TEDDM1: variants seen among roughly 807,000 people sequenced by gnomAD.
The protein encoded by TEDDM1 is epididymal protein 9.
For missense variants in TEDDM1, 344 were observed against 318.9 expected, an observed-to-expected ratio of 1.08 and a Z score of -0.60; for synonymous variants, 126 against 128.0, an observed-to-expected ratio of 0.98 and a Z score of 0.11.
In TEDDM1 at chr1:182,400,003, G is replaced by A; in HGVS notation, c.483C>T (p.Thr161=). The A allele has an allele frequency of 6.2e-7, 1 of 1,614,084 alleles. No individual in the cohort carries two copies. Among genetic ancestry groups the A allele is most frequent in the Non-Finnish European group, 8.5e-7 (1 of 1,180,012 alleles). The change falls in exon 1 of 1, where the codon ACC becomes ACT. Residue 161 remains threonine, a synonymous_variant. Transcript: ENST00000367565. ...AGGAGCCCATCATCAGAATCAGAAA[G>A]GTCTCCATCAGCTGGAGATGACACA... ...PNMCHLQLME[T]FLILMMGSWL...
In TEDDM1 at chr1:182,399,389, G is replaced by T. The variant is rs748341498; in HGVS notation, c.*275C>A. ...CAGGCTCCTGTAATTGCAGCTACTC[G>T]GGAGGCTGAGGCAGGAGAATCGCTT... On this transcript the variant is annotated 3_prime_UTR_variant, in exon 1 of 1. Transcript: ENST00000367565. 2 of 420,802 alleles carry T rather than the reference G, an allele frequency of 4.8e-6. No homozygotes were observed. Among genetic ancestry groups the T allele is most frequent in the Admixed American group, 4.1e-5 (1 of 24,442 alleles). The allele number at this position is 420,802 out of a possible 1,614,324, so 26.1% of individuals were successfully genotyped here.
chr1:182,399,803 C>T lies in TEDDM1; in HGVS notation c.683G>A (p.Arg228Lys), dbSNP rs757129936. The change falls in exon 1 of 1, where the codon AGA becomes AAA. Residue 228 changes from arginine (R) to lysine (K), a missense_variant. By Grantham distance (26) the Arg-to-Lys change is conservative. Coordinates refer to ENST00000367565, the MANE Select transcript of TEDDM1 (RefSeq NM_172000.4). The stretch of plus-strand genomic sequence containing the variant: ...GGGCCCAGTCAGCTTCAAGCTGGGT[C>T]TGAAACAATGATACCAAAAGGAAGA... ...GFSSFWYHCF[R>K]PSLKLTGPKE... The T allele has an allele frequency of 1.9e-6, 3 of 1,613,960 alleles. No individual in the cohort carries two copies. Among genetic ancestry groups the T allele is most frequent in the African/African-American group, 1.3e-5 (1 of 74,856 alleles).
chr1:182,400,304 G>C lies in TEDDM1; in HGVS notation c.182C>G (p.Ser61Ter). 7 of 1,614,166 alleles carry C rather than the reference G, an allele frequency of 4.3e-6. No individual in the cohort carries two copies. The highest frequency in any genetic ancestry group is 5.9e-6 in the Non-Finnish European group (7 of 1,180,028). The change falls in exon 1 of 1, where the codon TCA becomes TGA. Residue 61 changes from serine (S) to a stop codon, truncating the protein, a stop_gained. Coordinates refer to ENST00000367565, the MANE Select transcript of TEDDM1 (RefSeq NM_172000.4). LOFTEE classifies it low-confidence loss of function (END_TRUNC). ...CCACTCTTTGGGGTACATGAACCTT[G>C]ATGGCACTTGCTTCCTCATGAGCAC... The part of the protein sequence containing the change: ...GMVLMRKQVP[S>*]RFMYPKEWQH...
Position 182,399,518 on chromosome 1 carries a change from G to A in TEDDM1, c.*146C>T, listed in dbSNP as rs916424590. 6 of 634,252 alleles carry A rather than the reference G, an allele frequency of 9.5e-6. No homozygotes were observed. The highest frequency in any genetic ancestry group is 8.0e-5 in the South Asian group (4 of 50,112). 39.3% of individuals were successfully genotyped at this position (634,252 alleles called of 1,614,324 possible). A position where few individuals can be genotyped will look rare whatever the true frequency, so the allele number is the denominator to read the frequency against. On this transcript the variant is annotated 3_prime_UTR_variant, in exon 1 of 1. Coordinates refer to ENST00000367565, the MANE Select transcript of TEDDM1 (RefSeq NM_172000.4). ...CTCAAAAAAAAAAAAAAAGAAAAGA[G>A]AAGAAAAGAAAATGAACCAGCAGAC...
At position 182,399,507 on chromosome 1, in the gene TEDDM1, A is replaced by C; in HGVS notation, c.*157T>G. On this transcript the variant is annotated 3_prime_UTR_variant, in exon 1 of 1. Coordinates refer to ENST00000367565, the MANE Select transcript of TEDDM1 (RefSeq NM_172000.4). ...CGAGACTCTGTCTCAAAAAAAAAAA[A>C]AAAGAAAAGAGAAGAAAAGAAAATG... The C allele has an allele frequency of 1.6e-6, 1 of 629,302 alleles. No homozygotes were observed. The highest frequency in any genetic ancestry group is 2.9e-5 in the Admixed American group (1 of 33,930). The allele number at this position is 629,302 out of a possible 1,614,324, so 39.0% of individuals were successfully genotyped here.
In TEDDM1 at chr1:182,399,879, A is replaced by C; in HGVS notation, c.607T>G (p.Cys203Gly). The change falls in exon 1 of 1, where the codon TGC becomes GGC. Residue 203 changes from cysteine (C) to glycine (G), a missense_variant. Cys to Gly is a radical substitution (Grantham distance 159, BLOSUM62 -3). Transcript: ENST00000367565. ...GAGGCATTGATCATCACATGCCAGCAGAAGAAGGTGGTGACAAACATGATG... is the reference window on the plus strand; with the variant it reads ...GAGGCATTGATCATCACATGCCAGCCGAAGAAGGTGGTGACAAACATGATG... ...SDIMFVTTFFCWHVMINASFL... is the reference protein window; with the variant it reads ...SDIMFVTTFFGWHVMINASFL... The C allele has an allele frequency of 6.2e-7, 1 of 1,614,250 alleles. No individual in the cohort carries two copies. The highest frequency in any genetic ancestry group is 8.5e-7 in the Non-Finnish European group (1 of 1,180,052).
At position 182,400,072 on chromosome 1, in the gene TEDDM1, GAAC is replaced by G; in HGVS notation, c.411_413del (p.Phe138del). 1.2e-6 allele frequency: 2 copies of G among 1,614,054 alleles called. No homozygotes were observed. The highest frequency in any genetic ancestry group is 1.7e-6 in the Non-Finnish European group (2 of 1,179,976). On this transcript the variant is annotated inframe_deletion, in exon 1 of 1. Transcript: ENST00000367565. ...CTGCAGTCAACACCAGCAACAGCAG[GAAC>G]ACCACCAAGATGAGCAGAGAATAAA...
chr1:182,399,616 C>A lies in TEDDM1; in HGVS notation c.*48G>T. The A allele has an allele frequency of 1.4e-6, 2 of 1,452,904 alleles. No individual in the cohort carries two copies. Among genetic ancestry groups the A allele is most frequent in the Non-Finnish European group, 1.9e-6 (2 of 1,041,926 alleles). 90.0% of individuals were successfully genotyped at this position (1,452,904 alleles called of 1,614,324 possible). A position where few individuals can be genotyped will look rare whatever the true frequency, so the allele number is the denominator to read the frequency against. ...ACCATGCTCGTGGCTGAGGAGCCAA[C>A]AGGAGGAAGATGAGGTGGACGATGT... On this transcript the variant is annotated 3_prime_UTR_variant, in exon 1 of 1. Transcript: ENST00000367565.
rs1219157393 is a variant in TEDDM1, at chr1:182,400,556, A to G, written c.-71T>C. ...AAATAGCCCCAGTTAAAAATGGCCAATGGACTTTCCCATGGAATACAGGCC... is the reference window on the plus strand; with the variant it reads ...AAATAGCCCCAGTTAAAAATGGCCAGTGGACTTTCCCATGGAATACAGGCC... On this transcript the variant is annotated 5_prime_UTR_variant, in exon 1 of 1. Coordinates refer to ENST00000367565, the MANE Select transcript of TEDDM1 (RefSeq NM_172000.4). 13 of 1,326,764 alleles carry G rather than the reference A, an allele frequency of 9.8e-6. No homozygotes were observed. Among genetic ancestry groups the G allele is most frequent in the African/African-American group, 7.3e-5 (5 of 68,132 alleles). The allele number at this position is 1,326,764 out of a possible 1,614,324, so 82.2% of individuals were successfully genotyped here.
rs1650648380 is a variant in TEDDM1, at chr1:182,399,726, G to A, written c.760C>T (p.Gln254Ter). 6.2e-7 allele frequency: 1 copy of A among 1,613,998 alleles called. No homozygotes were observed. Among genetic ancestry groups the A allele is most frequent in the African/African-American group, 1.3e-5 (1 of 74,894 alleles). ...TCTTTCTCTGACTGCTCCACTTCCT[G>A]TAGCAACTTGTAGAGGGGTCCTGGA... ...STPGPLYKLLQEVEQSEKEDQ... is the reference protein window; with the variant it reads ...STPGPLYKLL Residue 254 changes from glutamine (Q) to a stop codon, truncating the protein, a stop_gained, in exon 1 of 1, where the codon CAG becomes TAG. Transcript: ENST00000367565. LOFTEE classifies it low-confidence loss of function (END_TRUNC).
At position 182,399,780 on chromosome 1, in the gene TEDDM1, G is replaced by A; in HGVS notation, c.706C>T (p.Pro236Ser). 3.1e-6 allele frequency: 5 copies of A among 1,614,082 alleles called. No individual in the cohort carries two copies. Among genetic ancestry groups the A allele is most frequent in the South Asian group, 1.1e-5 (1 of 91,064 alleles). ...CTTGCATAATATGGAGCTTCTTTGG[G>A]CCCAGTCAGCTTCAAGCTGGGTCTG... is the stretch of plus-strand genomic sequence containing the variant. Reference protein sequence around the residue: ...CFRPSLKLTGPKEAPYYASTP... With the variant: ...CFRPSLKLTGSKEAPYYASTP... The change falls in exon 1 of 1, where the codon CCC (proline) becomes TCC (serine). Residue 236 changes from proline to serine, a missense_variant. Pro to Ser is a moderately conservative substitution (Grantham distance 74, BLOSUM62 -1). Transcript: ENST00000367565.
Position 182,399,671 on chromosome 1 carries a change from G to C in TEDDM1, c.815C>G (p.Ser272Cys). 1 of 1,613,234 alleles carries C rather than the reference G, an allele frequency of 6.2e-7. No homozygotes were observed. The highest frequency in any genetic ancestry group is 8.5e-7 in the Non-Finnish European group (1 of 1,179,400). ...GCCACTGTAGGCCCTGTCTCAGGGG[G>C]AGCTCTTTGGAAGGAGGAGAGCCTG... Reference protein sequence around the residue: ...EDQALLLPKSSP With the variant: ...EDQALLLPKSCP Residue 272 changes from serine to cysteine, a missense_variant, in exon 1 of 1, where the codon TCC (serine) becomes TGC (cysteine). Ser to Cys is a moderately radical substitution (Grantham distance 112, BLOSUM62 -1). Coordinates refer to ENST00000367565, the MANE Select transcript of TEDDM1 (RefSeq NM_172000.4).
Position 182,400,539 on chromosome 1 carries a change from C to G in TEDDM1, c.-54G>C. ...AGTCCATAAGAGAAAAGAAATAGCC[C>G]CAGTTAAAAATGGCCAATGGACTTT... On this transcript the variant is annotated 5_prime_UTR_variant, in exon 1 of 1. Transcript: ENST00000367565. 1 of 1,473,948 alleles carries G rather than the reference C, an allele frequency of 6.8e-7. No individual in the cohort carries two copies. The highest frequency in any genetic ancestry group is 9.1e-7 in the Non-Finnish European group (1 of 1,103,208). 91.3% of individuals were successfully genotyped at this position (1,473,948 alleles called of 1,614,324 possible). A position where few individuals can be genotyped will look rare whatever the true frequency, so the allele number is the denominator to read the frequency against.
At position 182,398,436 on chromosome 1, in the gene TEDDM1, T is replaced by G. The variant is rs1650617628; in HGVS notation, c.*1228A>C. The G allele has an allele frequency of 6.6e-6, 1 of 152,190 alleles. No homozygotes were observed. Among genetic ancestry groups the G allele is most frequent in the African/African-American group, 2.4e-5 (1 of 41,424 alleles). 9.4% of individuals were successfully genotyped at this position (152,190 alleles called of 1,614,324 possible). ...AAGAACCTTCTGAAAGAAAATGATT[T>G]CAGCAGCAGTATAAAAGAAAGTGGG... On this transcript the variant is annotated 3_prime_UTR_variant, in exon 1 of 1. Coordinates refer to ENST00000367565, the MANE Select transcript of TEDDM1 (RefSeq NM_172000.4).
rs752136668 is a variant in TEDDM1 at position 182,399,684 on chromosome 1, G to T, written c.802C>A (p.Leu268Ile). Residue 268 changes from leucine to isoleucine, a missense_variant, in exon 1 of 1, where the codon CTT (leucine) becomes ATT (isoleucine). Coordinates refer to ENST00000367565, the MANE Select transcript of TEDDM1 (RefSeq NM_172000.4). ...CTGTCTCAGGGGGAGCTCTTTGGAA[G>T]GAGGAGAGCCTGGTCCTCTTTCTCT... ...QSEKEDQALL[L>I]PKSSP The T allele has an allele frequency of 2.8e-5, 45 of 1,613,674 alleles. No individual in the cohort carries two copies. The East Asian group carries it at 1.0e-3, about 36-fold the overall frequency.
rs1224331958 is a variant in TEDDM1, at chr1:182,398,881, T to A, written c.*783A>T. 1 of 152,226 alleles carries A rather than the reference T, an allele frequency of 6.6e-6. No individual in the cohort carries two copies. The highest frequency in any genetic ancestry group is 6.5e-5 in the Admixed American group (1 of 15,288). 9.4% of individuals were successfully genotyped at this position (152,226 alleles called of 1,614,324 possible). On this transcript the variant is annotated 3_prime_UTR_variant, in exon 1 of 1. Transcript: ENST00000367565. ...TATTAAGTATTTAAAAAGTCTCACT[T>A]TATATGTAAAGTTTGAAATGAAGCC...
chr1:182,400,086 T>C lies in TEDDM1; in HGVS notation c.400A>G (p.Ile134Val), dbSNP rs1650657390. The change falls in exon 1 of 1, where the codon ATC becomes GTC. Residue 134 changes from isoleucine (I) to valine (V), a missense_variant. By Grantham distance (29) the Ile-to-Val change is conservative (BLOSUM62 3). Transcript: ENST00000367565. ...GVELHVYSLLILVVFLLLLVL... is the reference protein window; with the variant it reads ...GVELHVYSLLVLVVFLLLLVL... ...AGCAACAGCAGGAACACCACCAAGA[T>C]GAGCAGAGAATAAACGTGCAGCTCC... 6.2e-7 allele frequency: 1 copy of C among 1,613,610 alleles called. No homozygotes were observed. Among genetic ancestry groups the C allele is most frequent in the East Asian group, 2.2e-5 (1 of 44,858 alleles).
At position 182,400,435 on chromosome 1, in the gene TEDDM1, C is replaced by G. The variant is rs756912618; in HGVS notation, c.51G>C (p.Lys17Asn). The change falls in exon 1 of 1, where the codon AAG becomes AAC. Residue 17 changes from lysine (K) to asparagine (N), a missense_variant. Physicochemically the swap from Lys to Asn is moderately conservative, Grantham distance 94. Transcript: ENST00000367565. ...LLYPLCSPRN[K>N]QRCARLWKIA... The stretch of plus-strand genomic sequence containing the variant: ...TTTTCCACAGCCTGGCACATCTTTG[C>G]TTATTCCTGGGAGAGCACAAAGGAT... 1.2e-6 allele frequency: 2 copies of G among 1,613,654 alleles called. No individual in the cohort carries two copies. The highest frequency in any genetic ancestry group is 3.3e-5 in the Admixed American group (2 of 60,010).
rs36049878 is a variant in TEDDM1 at position 182,399,495 on chromosome 1, C to CAA, written c.*167_*168dup. 674 of 519,120 alleles carry CAA rather than the reference C, an allele frequency of 1.3e-3. No individual in the cohort carries two copies. Among genetic ancestry groups the CAA allele is most frequent in the Non-Finnish European group, 1.5e-3 (443 of 304,832 alleles). 32.2% of individuals were successfully genotyped at this position (519,120 alleles called of 1,614,324 possible). ...TGGGCAACAGAGCGAGACTCTGTCT[C>CAA]AAAAAAAAAAAAAAAGAAAAGAGAA... On this transcript the variant is annotated 3_prime_UTR_variant, in exon 1 of 1. Transcript: ENST00000367565.
Sources: gnomAD v4.1 joint callset for allele counts on GRCh38, gnomAD v4.1.1 for gene constraint, MANE v1.5 for transcripts, NCBI Gene and HGNC (gene_info 2026-07-23, HGNC 2026-07-21) for gene names.